HSD17B3: variants seen among roughly 807,000 people sequenced by gnomAD.
HSD17B3 encodes 17-beta-hydroxysteroid dehydrogenase type 3.
Under a neutral mutation model 41.1 loss-of-function variants are expected in HSD17B3, and 29 were observed. The ratio of observed to expected loss-of-function variants is 0.71; its 90% CI spans 0.53 to 0.96. The LOEUF (loss-of-function observed/expected upper bound fraction) is 0.96. Ranked by LOEUF, HSD17B3 falls within the 40% of genes least tolerant of loss-of-function variation. The probability of loss-of-function intolerance (pLI) is 0.00; values close to 1 mark genes in which losing one functional copy is unlikely to be tolerated. For synonymous variants in HSD17B3, 126 were observed against 145.6 expected (o/e 0.87, Z 0.97); for missense variants, 323 against 374.6 (o/e 0.86, Z 1.14).
intron 10 of HSD17B3, among the ~76,000 whole-genome samples, chr9:96,235,834 C>T (rs1836217057): frequency 6.6e-6 from 1 of 152,012 alleles, no homozygotes; most frequent in Non-Finnish European, 1.5e-5. Flanking sequence ...GAGACAAGGT[C>T]TTGCTCTGTC....
intron 5 of HSD17B3, chr9:96,250,478 TG>T: frequency 9.4e-7 from 1 of 1,058,532 alleles, no homozygotes; most frequent in Non-Finnish European, 1.1e-6. Flanking sequence ...CACAGGACGA[TG>T]GGATACCTGC....
intron 2 of HSD17B3, among the ~76,000 whole-genome samples, chr9:96,258,188 T>C (rs1282053007): frequency 6.6e-6 from 1 of 152,264 alleles, no homozygotes; most frequent in Non-Finnish European, 1.5e-5. Context: ...TCATACATTA[T>C]ATACTACTTG....
intron 2 of HSD17B3, among the ~76,000 whole-genome samples, chr9:96,280,089 C>A (rs943985436): frequency 2.6e-5 from 4 of 152,154 alleles, no homozygotes; most frequent in Admixed American, 6.5e-5. Context: ...CTCTTAAGGT[C>A]TCTGTGTTGA....
At chr9:96,248,045 G>A (rs1470157400) in intron 6 of HSD17B3, among the ~76,000 whole-genome samples, 2 of 152,094 alleles carry the variant, frequency 1.3e-5, no homozygotes, top group Non-Finnish European at 2.9e-5. Flanking sequence ...ACAAATCAAA[G>A]CATTTCTCTG....
intron 2 of HSD17B3, among the ~76,000 whole-genome samples, chr9:96,258,588 G>A (rs1825748862): frequency 6.6e-6 from 1 of 152,192 alleles, no homozygotes; most frequent in Non-Finnish European, 1.5e-5. Flanking sequence ...CCTATACAAT[G>A]TTAAGGAAGC....
chr9:96,300,209 G>GACAC (rs55707445), intron 1 of HSD17B3, among the ~76,000 whole-genome samples: 21,018 of 115,888 alleles, frequency 0.18, 2,329 homozygotes, highest in East Asian at 0.28. Flanking sequence ...ACCCCAAGAG[G>GACAC]ACACACACAC....
At chr9:96,276,129 A>AAAAAC (rs1564051377) in intron 2 of HSD17B3, among the ~76,000 whole-genome samples, 13 of 138,604 alleles carry the variant, frequency 9.4e-5, no homozygotes, top group East Asian at 2.0e-4. Flanking sequence ...AAAAAAAAAA[A>AAAAAC]AAACAGAAGA....
intron 7 of HSD17B3, among the ~76,000 whole-genome samples, chr9:96,246,151 GA>G (rs1166811885): frequency 1.3e-5 from 2 of 152,198 alleles, no homozygotes; most frequent in East Asian, 3.9e-4. Context: ...ATAAGTGGAG[GA>G]GCTGACAGGG....
At chr9:96,239,502 T>G (rs1317522910) in intron 10 of HSD17B3, 1 of 152,224 alleles carries the variant, frequency 6.6e-6, no homozygotes, top group Non-Finnish European at 1.5e-5. Context: ...ACATTGGTGA[T>G]TATGCACATT....
intron 2 of HSD17B3, among the ~76,000 whole-genome samples, chr9:96,255,221 G>A (rs1587732644): frequency 6.6e-6 from 1 of 151,950 alleles, no homozygotes; most frequent in African/African-American, 2.4e-5. Context: ...CCTTGTCCAG[G>A]CCCACAAACT....
In HSD17B3 at chr9:96,235,329, C is replaced by G. The variant is rs1414669272; in HGVS notation, c.*131G>C. 8 of 723,474 alleles carry G rather than the reference C, an allele frequency of 1.1e-5. No individual in the cohort carries two copies. The highest frequency in any genetic ancestry group is 3.5e-4 in the Middle Eastern group (1 of 2,846). 44.8% of individuals were successfully genotyped at this position (723,474 alleles called of 1,614,324 possible). On this transcript the variant is annotated 3_prime_UTR_variant, in exon 11 of 11. Coordinates refer to ENST00000375263, the MANE Select transcript of HSD17B3 (RefSeq NM_000197.2). ...AGTAAAGTGGCAAAAAATGTGTATT[C>G]TATGCCTCTGTGACCCCAGCCCCCT...
At chr9:96,270,575 A>C (rs16910694) in intron 2 of HSD17B3, among the ~76,000 whole-genome samples, 3,582 of 152,378 alleles carry the variant, frequency 0.024, 199 homozygotes, top group Admixed American at 0.13. Context: ...TTATTCAAAA[A>C]TAGGGCAAGG....
chr9:96,289,205 G>C (rs1034570742), intron 2 of HSD17B3, among the ~76,000 whole-genome samples: 2 of 148,950 alleles, frequency 1.3e-5, no homozygotes, highest in Non-Finnish European at 3.0e-5. Flanking sequence ...GTGTGTGTGT[G>C]TGTGTGTGTG....
chr9:96,235,374 T>C lies in HSD17B3; in HGVS notation c.*86A>G. On this transcript the variant is annotated 3_prime_UTR_variant, in exon 11 of 11. Transcript: ENST00000375263. ...CCCCCTCCATCTTCAGCGGACTAGG[T>C]TGAAGTGCTGGTCTGCTCCTCTGGT... 2 of 912,224 alleles carry C rather than the reference T, an allele frequency of 2.2e-6. No individual in the cohort carries two copies. The highest frequency in any genetic ancestry group is 3.6e-6 in the Non-Finnish European group (2 of 561,472). 56.5% of individuals were successfully genotyped at this position (912,224 alleles called of 1,614,324 possible).
intron 2 of HSD17B3, among the ~76,000 whole-genome samples, chr9:96,271,405 ACTG>A (rs2130761734): frequency 6.6e-6 from 1 of 152,330 alleles, no homozygotes; most frequent in East Asian, 1.9e-4. Context: ...CTGACAGAGA[ACTG>A]CTGCTGGGGC....
chr9:96,273,467 A>C (rs888893507), intron 2 of HSD17B3, among the ~76,000 whole-genome samples: 15 of 152,074 alleles, frequency 9.9e-5, no homozygotes, highest in African/African-American at 3.1e-4. Flanking sequence ...CCCTCATGGG[A>C]GAAAAGGAGA....
intron 2 of HSD17B3, among the ~76,000 whole-genome samples, chr9:96,283,406 G>A (rs564595270): frequency 6.6e-6 from 1 of 152,296 alleles, no homozygotes; most frequent in East Asian, 1.9e-4. Context: ...TCAAACTGAT[G>A]AAGATTAAAT....
intron 2 of HSD17B3, among the ~76,000 whole-genome samples, chr9:96,274,850 A>G (rs1826387883): frequency 6.6e-6 from 1 of 152,196 alleles, no homozygotes; most frequent in South Asian, 2.1e-4. Context: ...TAAGGTCTGA[A>G]AAATTCCCAA....
chr9:96,275,271 C>A (rs560795380), intron 2 of HSD17B3, among the ~76,000 whole-genome samples: 2 of 152,062 alleles, frequency 1.3e-5, no homozygotes, highest in Non-Finnish European at 2.9e-5. Context: ...AACAACAACA[C>A]AAATCATATG....
Sources: gnomAD v4.1 joint callset for allele counts (sites outside exome capture counted in the v4.1 genomes callset) on GRCh38, gnomAD v4.1.1 for gene constraint, MANE v1.5 for transcripts, NCBI Gene and HGNC (gene_info 2026-07-23, HGNC 2026-07-21) for gene names.